Variants in DCC observed in about 807,000 individuals in gnomAD.
DCC encodes netrin receptor DCC.
DCC carries 58 observed loss-of-function variants against 172.5 expected under a neutral mutation model. That is an observed-to-expected ratio of 0.34 (90% CI 0.27 to 0.42). DCC has a LOEUF of 0.42. Among genes scored for constraint, DCC ranks in the 10% least tolerant of loss-of-function variants. The probability of loss-of-function intolerance (pLI) is 1.00; values close to 1 mark genes in which losing one functional copy is unlikely to be tolerated. For missense variants in DCC, 1,740 were observed against 1,791.0 expected (o/e 0.97, Z 0.51); for synonymous variants, 709 against 644.5 (o/e 1.10, Z -1.52).
At chr18:53,276,192 A>G (rs1353060757) in intron 12 of DCC, among the ~76,000 whole-genome samples, 1 of 152,164 alleles carries the variant, frequency 6.6e-6, no homozygotes, top group Non-Finnish European at 1.5e-5. Flanking sequence ...TGCATTTCTA[A>G]TAGAAAATCT....
chr18:52,622,703 T>A (rs867914238), intron 1 of DCC, among the ~76,000 whole-genome samples: 14 of 152,224 alleles, frequency 9.2e-5, no homozygotes, highest in African/African-American at 3.1e-4. Context: ...AGGTTTCAAC[T>A]ATGAAGACAA....
intron 20 of DCC, among the ~76,000 whole-genome samples, chr18:53,411,990 T>C (rs976664126): frequency 5.9e-5 from 9 of 152,272 alleles, no homozygotes; most frequent in Middle Eastern, 3.4e-3. Context: ...AACTGAGAGA[T>C]CTGAGGAAAG....
chr18:52,565,633 T>C (rs1374002529), intron 1 of DCC, among the ~76,000 whole-genome samples: 1 of 152,228 alleles, frequency 6.6e-6, no homozygotes, highest in African/African-American at 2.4e-5. Flanking sequence ...GCTGCAAAAA[T>C]GTCTTCTTTT....
At chr18:53,312,059 C>T (rs2057275061) in intron 13 of DCC, among the ~76,000 whole-genome samples, 1 of 149,588 alleles carries the variant, frequency 6.7e-6, no homozygotes, top group African/African-American at 2.5e-5. Flanking sequence ...CCTGTAATCC[C>T]AGCACTTTGG....
At chr18:53,269,292 C>T (rs2056719702) in intron 12 of DCC, among the ~76,000 whole-genome samples, 1 of 152,118 alleles carries the variant, frequency 6.6e-6, no homozygotes, top group African/African-American at 2.4e-5. Context: ...ACTTTAACAA[C>T]ACACATACAC....
At chr18:53,003,933 T>A (rs2041606510) in intron 5 of DCC, among the ~76,000 whole-genome samples, 1 of 152,170 alleles carries the variant, frequency 6.6e-6, no homozygotes, top group Non-Finnish European at 1.5e-5. Context: ...GCTTTTAATT[T>A]TTTTGTATAT....
chr18:52,615,898 T>C (rs1052553333), intron 1 of DCC, among the ~76,000 whole-genome samples: 1 of 152,178 alleles, frequency 6.6e-6, no homozygotes, highest in African/African-American at 2.4e-5. Flanking sequence ...TGTGTATACA[T>C]TTATATGCAG....
intron 27 of DCC, among the ~76,000 whole-genome samples, chr18:53,517,145 G>T (rs1370746731): frequency 7.0e-6 from 1 of 142,632 alleles, no homozygotes; most frequent in Non-Finnish European, 1.5e-5. Context: ...CATGTCCTTT[G>T]TAGGGACATG....
chr18:52,926,834 T>TAC (rs143536972), intron 5 of DCC, among the ~76,000 whole-genome samples: 2 of 143,462 alleles, frequency 1.4e-5, no homozygotes, highest in East Asian at 2.1e-4. Flanking sequence ...TACATATACA[T>TAC]ACACACACAC....
chr18:53,431,319 G>C (rs1417116468), intron 21 of DCC, among the ~76,000 whole-genome samples: 1 of 150,396 alleles, frequency 6.6e-6, no homozygotes, highest in African/African-American at 2.5e-5. Flanking sequence ...AAATTCCAAA[G>C]TTGTTAAGTG....
chr18:52,953,338 TC>T (rs1222231949), intron 5 of DCC, among the ~76,000 whole-genome samples: 1 of 152,124 alleles, frequency 6.6e-6, no homozygotes, highest in African/African-American at 2.4e-5. Context: ...GTTAGAGCAG[TC>T]CCAAACATGA....
intron 1 of DCC, among the ~76,000 whole-genome samples, chr18:52,660,767 A>G (rs2144946567): frequency 6.6e-6 from 1 of 152,328 alleles, no homozygotes; most frequent in Non-Finnish European, 1.5e-5. Context: ...ATATGTAAGA[A>G]TCAAATTGTT....
chr18:52,591,624 T>G (rs1040568047), intron 1 of DCC, among the ~76,000 whole-genome samples: 1 of 151,904 alleles, frequency 6.6e-6, no homozygotes, highest in Non-Finnish European at 1.5e-5. Flanking sequence ...CAAATTATTA[T>G]TATTACGTTT....
chr18:52,665,622 C>T (rs1178808784), intron 1 of DCC, among the ~76,000 whole-genome samples: 1 of 152,130 alleles, frequency 6.6e-6, no homozygotes, highest in Non-Finnish European at 1.5e-5. Context: ...TACATATTTT[C>T]AGTGATGCGA....
intron 22 of DCC, among the ~76,000 whole-genome samples, chr18:53,444,999 G>A (rs1912508099): frequency 6.6e-6 from 1 of 152,014 alleles, no homozygotes; most frequent in Non-Finnish European, 1.5e-5. Context: ...TACCACCCCT[G>A]CCCCACTCCT....
intron 1 of DCC, among the ~76,000 whole-genome samples, chr18:52,684,756 A>T (rs956255578): frequency 4.6e-5 from 7 of 152,110 alleles, no homozygotes; most frequent in Admixed American, 4.6e-4. Flanking sequence ...CAGAAAAAAA[A>T]ATTAGGAGCA....
At chr18:53,508,445 A>T (rs561927675) in intron 27 of DCC, among the ~76,000 whole-genome samples, 2 of 140,460 alleles carry the variant, frequency 1.4e-5, no homozygotes, top group East Asian at 2.1e-4. Context: ...TACCCACCTC[A>T]CTCTCCCAAA....
intron 27 of DCC, among the ~76,000 whole-genome samples, chr18:53,501,191 A>G (rs1462399103): frequency 6.6e-6 from 1 of 152,226 alleles, no homozygotes; most frequent in Non-Finnish European, 1.5e-5. Flanking sequence ...GCACCTGCCT[A>G]TAGGACAGGC....
At chr18:52,547,428 G>A (rs977555284) in intron 1 of DCC, among the ~76,000 whole-genome samples, 2 of 152,070 alleles carry the variant, frequency 1.3e-5, no homozygotes, top group Non-Finnish European at 2.9e-5. Flanking sequence ...TTATTTGAAT[G>A]TGTACCTGCA....
Sources: gnomAD v4.1 joint callset for allele counts (sites outside exome capture counted in the v4.1 genomes callset) on GRCh38, gnomAD v4.1.1 for gene constraint, MANE v1.5 for transcripts, NCBI Gene and HGNC (gene_info 2026-07-23, HGNC 2026-07-21) for gene names.